The following CA10 variants were observed in gnomAD, a reference collection of about 807,000 sequenced individuals.
The protein encoded by CA10 is carbonic anhydrase 10 (inactive).
A neutral mutation model predicts 44.2 loss-of-function variants in CA10; 14 were observed. The ratio of observed to expected loss-of-function variants is 0.32; its 90% CI spans 0.21 to 0.50. The LOEUF (loss-of-function observed/expected upper bound fraction) is 0.50, where lower values mean the gene tolerates loss of function less well. CA10 is among the 20% of genes least tolerant of loss of function. CA10 has a pLI of 0.99. For synonymous variants in CA10, 159 were observed against 141.6 expected, an observed-to-expected ratio of 1.12 and a Z score of -0.87; for missense variants, 350 against 409.7, an observed-to-expected ratio of 0.85 and a Z score of 1.26.
intron 3 of CA10, among the ~76,000 whole-genome samples, chr17:51,923,218 G>A (rs1355270851): frequency 6.6e-6 from 1 of 152,078 alleles, no homozygotes; most frequent in East Asian, 1.9e-4. Flanking sequence ...CCAGCACCAC[G>A]GCAACACATT....
chr17:52,108,118 A>G (rs1988699092), intron 1 of CA10, among the ~76,000 whole-genome samples: 1 of 149,788 alleles, frequency 6.7e-6, no homozygotes, highest in Non-Finnish European at 1.5e-5. Context: ...TTTGAAATGA[A>G]TAATTGTATT....
chr17:51,681,045 ATTAT>A (rs1435405295), intron 4 of CA10, among the ~76,000 whole-genome samples: 2 of 152,218 alleles, frequency 1.3e-5, no homozygotes, highest in Non-Finnish European at 2.9e-5. Context: ...GTCAATGACA[ATTAT>A]TTATTCACAA....
chr17:51,684,829 T>G (rs777435841), intron 4 of CA10, among the ~76,000 whole-genome samples: 2 of 152,186 alleles, frequency 1.3e-5, no homozygotes, highest in African/African-American at 4.8e-5. Flanking sequence ...GAATTTATAA[T>G]GCCTTAAAAT....
intron 3 of CA10, among the ~76,000 whole-genome samples, chr17:51,878,167 A>AT (rs1491492818): frequency 4.8e-4 from 65 of 135,904 alleles, no homozygotes; most frequent in African/African-American, 1.9e-3. Flanking sequence ...AAAAAAAAAA[A>AT]GAAAAAGGAA....
chr17:51,702,682 C>T (rs1410077127), intron 4 of CA10, among the ~76,000 whole-genome samples: 2 of 152,106 alleles, frequency 1.3e-5, no homozygotes, highest in African/African-American at 4.8e-5. Flanking sequence ...GCCATGGCCA[C>T]CCTGGAAGGA....
At chr17:51,703,215 G>T (rs540660411) in intron 4 of CA10, among the ~76,000 whole-genome samples, 1 of 152,124 alleles carries the variant, frequency 6.6e-6, no homozygotes, top group Admixed American at 6.5e-5. Flanking sequence ...AAAATGTACT[G>T]TACATAATAG....
chr17:51,759,355 GCT>G (rs1194068641), intron 3 of CA10, among the ~76,000 whole-genome samples: 5 of 94,414 alleles, frequency 5.3e-5, no homozygotes, highest in Non-Finnish European at 1.0e-4. Flanking sequence ...ACACTTCTTT[GCT>G]CTGTGTGTGT....
intron 3 of CA10, among the ~76,000 whole-genome samples, chr17:51,896,750 C>T (rs917293083): frequency 3.3e-5 from 5 of 151,700 alleles, no homozygotes; most frequent in Non-Finnish European, 7.4e-5. Flanking sequence ...GCATCTGTTA[C>T]TTTTTGACTT....
intron 2 of CA10, among the ~76,000 whole-genome samples, chr17:52,068,192 G>A (rs1009147194): frequency 2.0e-5 from 3 of 152,118 alleles, no homozygotes; most frequent in African/African-American, 4.8e-5. Flanking sequence ...TGGATCTTGG[G>A]GTGGTTTCTC....
chr17:52,157,374 C>G (rs1989825532), intron 1 of CA10, among the ~76,000 whole-genome samples: 1 of 152,040 alleles, frequency 6.6e-6, no homozygotes, highest in African/African-American at 2.4e-5. Flanking sequence ...ACTTTGAAAG[C>G]CAGGGGATGG....
At chr17:51,714,814 G>A (rs1289468172) in intron 4 of CA10, among the ~76,000 whole-genome samples, 2 of 152,142 alleles carry the variant, frequency 1.3e-5, no homozygotes, top group African/African-American at 2.4e-5. Context: ...GGAGAGAGTG[G>A]GCAGGGAGGA....
intron 3 of CA10, among the ~76,000 whole-genome samples, chr17:51,785,537 T>C (rs1181905149): frequency 6.6e-6 from 1 of 152,148 alleles, no homozygotes; most frequent in African/African-American, 2.4e-5. Flanking sequence ...AGTGAAGATG[T>C]AGAGAAAAGG....
intron 3 of CA10, among the ~76,000 whole-genome samples, chr17:51,846,631 C>T (rs1025693766): frequency 2.0e-5 from 3 of 152,208 alleles, no homozygotes; most frequent in African/African-American, 7.2e-5. Context: ...TTAATCTCTC[C>T]ATAGTCTTTT....
chr17:51,905,136 AT>A (rs1310131669), intron 3 of CA10, among the ~76,000 whole-genome samples: 2 of 152,160 alleles, frequency 1.3e-5, no homozygotes, highest in Non-Finnish European at 2.9e-5. Flanking sequence ...GCAGTTGAAT[AT>A]TTGCCCTAAG....
At chr17:52,088,119 A>G (rs1483230048) in intron 1 of CA10, among the ~76,000 whole-genome samples, 2 of 152,144 alleles carry the variant, frequency 1.3e-5, no homozygotes, top group Non-Finnish European at 2.9e-5. Flanking sequence ...GAAAAACAAC[A>G]AATGGGTTCT....
Position 52,068,270 on chromosome 17 carries a change from C to T in CA10, c.136+4049G>A, listed in dbSNP as rs143812712. On this transcript the variant is annotated intron_variant, in intron 2 of 8. Transcript: ENST00000451037. ...GTTTTGTAAGGGGCTCTTCCCCCTT[C>T]ACTCAGCACTTTTCCTTCCTGCAGC... 2.6e-5 allele frequency among the ~76,000 whole-genome samples: 4 copies of T among 152,348 alleles called. No individual in the cohort carries two copies. The South Asian group carries it at 8.3e-4, about 32-fold the overall frequency.
At chr17:52,003,422 T>C (rs1455551698) in intron 2 of CA10, among the ~76,000 whole-genome samples, 2 of 151,976 alleles carry the variant, frequency 1.3e-5, no homozygotes, top group African/African-American at 4.8e-5. Context: ...GTATTTCTTT[T>C]ATTTTACCAT....
rs190501511 is a variant in CA10 at position 51,748,606 on chromosome 17, T to A, written c.280-788A>T. The A allele has an allele frequency of 3.2e-3, 1,481 of 456,644 alleles. 11 individuals carry two copies. The East Asian group carries it at 0.039, about 12-fold the overall frequency. The allele number at this position is 456,644 out of a possible 1,614,324, so 28.3% of individuals were successfully genotyped here. A position where few individuals can be genotyped will look rare whatever the true frequency, so the allele number is the denominator to read the frequency against. On this transcript the variant is annotated intron_variant, in intron 3 of 8. Transcript: ENST00000451037. ...CATCTGAAACTCTACTTTCTTACTC[T>A]CTTGGGTTGACTTAGCTCTGGGAGT...
At chr17:52,105,521 C>T (rs557312899) in intron 1 of CA10, among the ~76,000 whole-genome samples, 7 of 152,318 alleles carry the variant, frequency 4.6e-5, no homozygotes, top group Admixed American at 1.3e-4. Context: ...TCCCAAAGTG[C>T]GTGAGCCACC....
Sources: allele counts gnomAD v4.1 joint callset (sites outside exome capture counted in the v4.1 genomes callset), GRCh38; gene constraint gnomAD v4.1.1; transcripts MANE v1.5; gene names NCBI Gene and HGNC (gene_info 2026-07-23, HGNC 2026-07-21).